Variants in ANKRD45 observed in about 807,000 individuals in gnomAD.
The protein encoded by ANKRD45 is ankyrin repeat domain 45.
In ANKRD45, 21 loss-of-function variants were observed where a neutral mutation model predicts 28.1. The observed-to-expected ratio is 0.75, with a 90% CI of 0.53 to 1.08. The LOEUF is 1.08. Among genes scored for constraint, ANKRD45 ranks in the 50% least tolerant of loss-of-function variants. The probability of loss-of-function intolerance (pLI) is 0.00; values close to 1 mark genes in which losing one functional copy is unlikely to be tolerated. For synonymous variants in ANKRD45, 86 were observed against 103.9 expected (o/e 0.83, Z 1.05); for missense variants, 261 against 308.7 (o/e 0.85, Z 1.16).
At chr1:173,616,614 C>T (rs1667477220) in intron 5 of ANKRD45, among the ~76,000 whole-genome samples, 1 of 152,042 alleles carries the variant, frequency 6.6e-6, no homozygotes. Context: ...TAGGGGTGTG[C>T]CTGCCACCAA....
chr1:173,684,001 A>T, the ANKRD45 span, among the ~76,000 whole-genome samples: 6 of 152,154 alleles, frequency 3.9e-5, no homozygotes, highest in African/African-American at 1.2e-4. Flanking sequence ...CATGGGCTAA[A>T]CTAATTCCAA....
chr1:173,618,185 A>G (rs1004625224), intron 5 of ANKRD45, among the ~76,000 whole-genome samples: 2 of 152,222 alleles, frequency 1.3e-5, no homozygotes, highest in Non-Finnish European at 2.9e-5. Flanking sequence ...GCCCACAAAG[A>G]TGAGAAAGAA....
intron 3 of ANKRD45, among the ~76,000 whole-genome samples, 190 bp from the exon 4 acceptor site, chr1:173,627,349 A>G (rs1667984072): frequency 6.6e-6 from 1 of 152,214 alleles, no homozygotes; most frequent in Non-Finnish European, 1.5e-5. Flanking sequence ...TTTTAACATC[A>G]TATTAAGGAA....
chr1:173,624,180 G>A (rs2102324424), intron 5 of ANKRD45, among the ~76,000 whole-genome samples: 1 of 152,240 alleles, frequency 6.6e-6, no homozygotes, highest in South Asian at 2.1e-4. Context: ...AGGAGGAGAT[G>A]CCTCCTAGAT....
intron 3 of ANKRD45, chr1:173,637,271 T>C (rs893615084): frequency 2.6e-6 from 1 of 389,380 alleles, no homozygotes; most frequent in Non-Finnish European, 4.6e-6. Flanking sequence ...GAAATAGAGG[T>C]TCCTCTTCAA....
intron 5 of ANKRD45, among the ~76,000 whole-genome samples, chr1:173,618,527 G>A (rs1667563240): frequency 6.6e-6 from 1 of 152,068 alleles, no homozygotes; most frequent in Non-Finnish European, 1.5e-5. Flanking sequence ...CAGACGAAGA[G>A]GAGGAAAAAA....
At chr1:173,646,208 T>C (rs114898494) in intron 3 of ANKRD45, among the ~76,000 whole-genome samples, 241 of 152,244 alleles carry the variant, frequency 1.6e-3, no homozygotes, top group Middle Eastern at 0.01. Flanking sequence ...AAATTCAAAA[T>C]AGTACTATTT....
At chr1:173,656,075 C>A (rs190724538) in intron 2 of ANKRD45, among the ~76,000 whole-genome samples, 1 of 152,320 alleles carries the variant, frequency 6.6e-6, no homozygotes, top group East Asian at 1.9e-4. Flanking sequence ...GAGGCGATGC[C>A]CTGCCCTGCT....
intron 1 of ANKRD45, among the ~76,000 whole-genome samples, chr1:173,668,022 G>A (rs769955292): frequency 1.3e-5 from 2 of 152,172 alleles, no homozygotes; most frequent in Non-Finnish European, 2.9e-5. Flanking sequence ...TATGTTACAT[G>A]TGAATTTATT....
intron 1 of ANKRD45, among the ~76,000 whole-genome samples, chr1:173,663,087 A>ACC (rs1415731509): frequency 0.012 from 1,699 of 143,402 alleles, 44 homozygotes; most frequent in African/African-American, 0.043. Flanking sequence ...ACACACACAC[A>ACC]CACACCTTCT....
the ANKRD45 span, among the ~76,000 whole-genome samples, chr1:173,709,482 T>C: frequency 2.0e-5 from 3 of 152,286 alleles, no homozygotes; most frequent in African/African-American, 7.2e-5. Context: ...ATTCCATTTG[T>C]TAGTCACTAG....
rs1668025154 is a variant in ANKRD45 at position 173,628,231 on chromosome 1, CT to C, written c.497-1073del. Among the ~76,000 whole-genome samples the C allele has an allele frequency of 3.3e-5, 5 of 151,284 alleles. No individual in the cohort carries two copies. In the South Asian group the frequency reaches 1.0e-3, roughly 32 times the overall value. On this transcript the variant is annotated intron_variant, in intron 3 of 5. Transcript: ENST00000333279. The stretch of plus-strand genomic sequence containing the variant: ...CTGTAGGGACTAAGGGGAGAGACAC[CT>C]TCTGCTTGACGAAAGGAGAGGGAAG...
At chr1:173,695,857 C>A in the ANKRD45 span, among the ~76,000 whole-genome samples, 1 of 152,106 alleles carries the variant, frequency 6.6e-6, no homozygotes, top group Admixed American at 6.6e-5. Context: ...CACTCCCAGG[C>A]CTATTAGGAC....
At chr1:173,674,177 T>A (rs1369039815), upstream of ANKRD45, among the ~76,000 whole-genome samples, 2 of 151,000 alleles carry the variant, frequency 1.3e-5, no homozygotes, top group African/African-American at 2.4e-5. Context: ...GCCCAGCTAA[T>A]TTTTTTTTGT....
chr1:173,619,143 A>C (rs987282463), intron 5 of ANKRD45, among the ~76,000 whole-genome samples: 3 of 152,260 alleles, frequency 2.0e-5, no homozygotes, highest in African/African-American at 7.2e-5. Flanking sequence ...GGGAGCACTA[A>C]ATATGGGAAG....
chr1:173,711,553 G>A, the ANKRD45 span, among the ~76,000 whole-genome samples: 2 of 152,226 alleles, frequency 1.3e-5, no homozygotes, highest in Non-Finnish European at 2.9e-5. Context: ...ACTTTGAATA[G>A]AATGGGAGGC....
intron 2 of ANKRD45, among the ~76,000 whole-genome samples, chr1:173,653,670 G>A (rs1173983036): frequency 3.9e-5 from 6 of 152,052 alleles, no homozygotes; most frequent in African/African-American, 1.2e-4. Context: ...CTTATGTCTC[G>A]TTGATCTGTC....
At position 173,610,069 on chromosome 1, in the gene ANKRD45, T is replaced by C; in HGVS notation, c.*76A>G. On this transcript the variant is annotated 3_prime_UTR_variant, in exon 6 of 6. Transcript: ENST00000333279. Reference sequence around the variant, plus strand: ...TACTTAAAGAAACCCACATCTGTTTTCTCGATTTCAAATGGCATGAATAGG... The same window carrying C: ...TACTTAAAGAAACCCACATCTGTTTCCTCGATTTCAAATGGCATGAATAGG... 7.1e-7 allele frequency: 1 copy of C among 1,415,478 alleles called. No individual in the cohort carries two copies. The highest frequency in any genetic ancestry group is 9.9e-7 in the Non-Finnish European group (1 of 1,010,174). The allele number at this position is 1,415,478 out of a possible 1,614,324, so 87.7% of individuals were successfully genotyped here. A position where few individuals can be genotyped will look rare whatever the true frequency, so the allele number is the denominator to read the frequency against.
At chr1:173,698,070 C>A in the ANKRD45 span, among the ~76,000 whole-genome samples, 1 of 151,714 alleles carries the variant, frequency 6.6e-6, no homozygotes, top group African/African-American at 2.4e-5. Flanking sequence ...AGAGACAAGG[C>A]CATTACATAA....
Sources: gnomAD v4.1 joint callset for allele counts (sites outside exome capture counted in the v4.1 genomes callset) on GRCh38, gnomAD v4.1.1 for gene constraint, MANE v1.5 for transcripts, NCBI Gene and HGNC (gene_info 2026-07-23, HGNC 2026-07-21) for gene names.